Variants in TMCO1 observed in about 807,000 individuals in gnomAD.
The protein encoded by TMCO1 is calcium load-activated calcium channel.
In TMCO1, 29 loss-of-function variants were observed where a neutral mutation model predicts 29.3. The observed-to-expected ratio is 0.99, with a 90% CI of 0.74 to 1.35. The LOEUF (loss-of-function observed/expected upper bound fraction) is 1.35. Among genes scored for constraint, TMCO1 ranks in the 40% most tolerant of loss-of-function variants. TMCO1 has a pLI of 0.00. For synonymous variants in TMCO1, 80 were observed against 77.1 expected (o/e 1.04, Z -0.20); for missense variants, 173 against 225.5 (o/e 0.77, Z 1.49).
intron 1 of TMCO1, 98 bp downstream of exon 1, chr1:165,768,584 G>A (rs957329007): frequency 2.8e-5 from 44 of 1,599,012 alleles, no homozygotes; most frequent in African/African-American, 2.4e-4. Context: ...AGCCTCTCAA[G>A]CAAGTAAGGC....
At chr1:165,763,372 A>T (rs898006444) in intron 2 of TMCO1, among the ~76,000 whole-genome samples, 8 of 152,154 alleles carry the variant, frequency 5.3e-5, no homozygotes. Flanking sequence ...CTCATTTCAT[A>T]TTGTACTTAC....
chr1:165,740,885 T>C (rs1422649273), intron 6 of TMCO1, among the ~76,000 whole-genome samples: 1 of 152,230 alleles, frequency 6.6e-6, no homozygotes, highest in Non-Finnish European at 1.5e-5. Context: ...GCCAGCACCA[T>C]GCTCTTGGCC....
At chr1:165,754,405 C>T (rs1371865837) in intron 3 of TMCO1, 131 bp from the exon 4 acceptor site, 1 of 716,322 alleles carries the variant, frequency 1.4e-6, no homozygotes, top group Non-Finnish European at 2.5e-6. Flanking sequence ...ATGAAAACAC[C>T]TGGGATAGTA....
chr1:165,757,581 C>T (rs1652243286), intron 3 of TMCO1, among the ~76,000 whole-genome samples: 1 of 152,252 alleles, frequency 6.6e-6, no homozygotes, highest in African/African-American at 2.4e-5. Context: ...ACTACAACCT[C>T]CACCTCCCAG....
At chr1:165,756,060 A>G (rs976960895) in intron 3 of TMCO1, among the ~76,000 whole-genome samples, 6 of 152,064 alleles carry the variant, frequency 3.9e-5, no homozygotes, top group Admixed American at 2.0e-4. Flanking sequence ...AAAAAAAAAA[A>G]AAGAAAAAAG....
chr1:165,752,084 A>G lies in TMCO1; in HGVS notation c.323+18T>C. ...AGAGTAATAGTTATTAGTCAAAAGC[A>G]TATAAAAGGACACTCACATGGAATT... On this transcript the variant is annotated intron_variant, in intron 5 of 6. Coordinates refer to ENST00000367881, the MANE Select transcript of TMCO1 (RefSeq NM_019026.6). 6.3e-7 allele frequency: 1 copy of G among 1,591,012 alleles called. No individual in the cohort carries two copies. The highest frequency in any genetic ancestry group is 1.3e-5 in the African/African-American group (1 of 74,538).
At chr1:165,741,516 C>G (rs757990929) in intron 6 of TMCO1, among the ~76,000 whole-genome samples, 1 of 152,166 alleles carries the variant, frequency 6.6e-6, no homozygotes, top group Non-Finnish European at 1.5e-5. Flanking sequence ...AAAAGTACAT[C>G]TGAGTGAGTG....
chr1:165,733,068 T>C (rs1390211720), intron 6 of TMCO1, among the ~76,000 whole-genome samples: 1 of 152,196 alleles, frequency 6.6e-6, no homozygotes, highest in African/African-American at 2.4e-5. Flanking sequence ...ATGTATGTCC[T>C]CATTTAAATC....
chr1:165,768,366 C>T, intron 1 of TMCO1, 97 bp from the exon 2 acceptor site: 3 of 1,503,180 alleles, frequency 2.0e-6, no homozygotes, highest in Non-Finnish European at 2.7e-6. Flanking sequence ...TCCAACTTTT[C>T]GCTTTGTATT....
intron 3 of TMCO1, among the ~76,000 whole-genome samples, chr1:165,757,569 G>A (rs934077192): frequency 7.9e-5 from 12 of 152,164 alleles, no homozygotes; most frequent in Admixed American, 2.0e-4. Flanking sequence ...CGATCTCGGC[G>A]CACTACAACC....
chr1:165,738,292 C>T (rs1239182286), intron 6 of TMCO1, among the ~76,000 whole-genome samples: 1 of 152,090 alleles, frequency 6.6e-6, no homozygotes, highest in Non-Finnish European at 1.5e-5. Flanking sequence ...GACTCTGTCT[C>T]CAAAACAAAC....
At chr1:165,759,428 G>T in intron 3 of TMCO1, 97 bp downstream of exon 3, 1 of 863,538 alleles carries the variant, frequency 1.2e-6, no homozygotes, top group Non-Finnish European at 1.9e-6. Context: ...TCATAGAAAT[G>T]TGAGTTATCA....
intron 6 of TMCO1, among the ~76,000 whole-genome samples, chr1:165,734,367 G>A (rs866883469): frequency 6.6e-6 from 1 of 152,042 alleles, no homozygotes; most frequent in Non-Finnish European, 1.5e-5. Context: ...AAAACAATAG[G>A]AGTATCTTTT....
chr1:165,764,515 A>C (rs1016715668), intron 2 of TMCO1, among the ~76,000 whole-genome samples: 4 of 152,198 alleles, frequency 2.6e-5, no homozygotes, highest in African/African-American at 9.7e-5. Flanking sequence ...GATCTGAAGA[A>C]TGAGTAGGAG....
chr1:165,768,645 G>A, intron 1 of TMCO1, 37 bp downstream of exon 1: 1 of 1,613,936 alleles, frequency 6.2e-7, no homozygotes, highest in Non-Finnish European at 8.5e-7. Context: ...CTTCCTCCCG[G>A]GGACTGATCA....
rs1650917824 is a variant in TMCO1, at chr1:165,726,942, T to C, written c.*1081A>G. Reference sequence around the variant, plus strand: ...TGATAAGAAAGAAGTTTGCTGTTGGTTTAACAATGATTACCTTGAAAATTA... The same window carrying C: ...TGATAAGAAAGAAGTTTGCTGTTGGCTTAACAATGATTACCTTGAAAATTA... On this transcript the variant is annotated 3_prime_UTR_variant, in exon 7 of 7. Coordinates refer to ENST00000367881, the MANE Select transcript of TMCO1 (RefSeq NM_019026.6). 2.2e-6 allele frequency: 1 copy of C among 454,136 alleles called. No homozygotes were observed. The highest frequency in any genetic ancestry group is 2.3e-5 in the Admixed American group (1 of 42,572). 28.1% of individuals were successfully genotyped at this position (454,136 alleles called of 1,614,324 possible). A position where few individuals can be genotyped will look rare whatever the true frequency, so the allele number is the denominator to read the frequency against.
downstream of TMCO1, chr1:165,725,022 C>A (rs75829564): frequency 0.069 from 6,807 of 98,174 alleles, 170 homozygotes; most frequent in East Asian, 0.22. Context: ...CTCTCTCTCT[C>A]TCTATATATA....
chr1:165,758,641 C>T (rs73014639), intron 3 of TMCO1, among the ~76,000 whole-genome samples: 136 of 152,244 alleles, frequency 8.9e-4, no homozygotes, highest in African/African-American at 3.2e-3. Context: ...CATTTATTTT[C>T]TGGTCTATTT....
At position 165,728,000 on chromosome 1, in the gene TMCO1, T is replaced by C. The variant is rs765006399; in HGVS notation, c.*23A>G. Reference sequence around the variant, plus strand: ...ATGTGTGTGTGTCTAGAAAGAATGATAGAAAATAAAGAGTTCTTGAGTTCA... The same window carrying C: ...ATGTGTGTGTGTCTAGAAAGAATGACAGAAAATAAAGAGTTCTTGAGTTCA... On this transcript the variant is annotated 3_prime_UTR_variant, in exon 7 of 7. Transcript: ENST00000367881. 8 of 1,560,696 alleles carry C rather than the reference T, an allele frequency of 5.1e-6. No individual in the cohort carries two copies. The highest frequency in any genetic ancestry group is 2.2e-5 in the South Asian group (2 of 90,022).
Sources: gnomAD v4.1 joint callset for allele counts (sites outside exome capture counted in the v4.1 genomes callset) on GRCh38, gnomAD v4.1.1 for gene constraint, MANE v1.5 for transcripts, NCBI Gene and HGNC (gene_info 2026-07-23, HGNC 2026-07-21) for gene names.